Variants in SGSH observed in about 807,000 individuals in gnomAD.
SGSH encodes the protein N-sulfoglucosamine sulfohydrolase.
A neutral mutation model predicts 51.0 loss-of-function variants in SGSH; 48 were observed. The observed-to-expected ratio is 0.94, with a 90% CI of 0.75 to 1.20. The LOEUF (loss-of-function observed/expected upper bound fraction) is 1.20, where lower values mean the gene tolerates loss of function less well. SGSH is among the 50% of genes most tolerant of loss of function. SGSH has a pLI of 0.00. For synonymous variants in SGSH, 321 were observed against 313.4 expected (o/e 1.02, Z -0.26); for missense variants, 662 against 717.8 (o/e 0.92, Z 0.89).
chr17:80,204,052 C>T, downstream of SGSH: 4 of 797,044 alleles, frequency 5.0e-6, no homozygotes, highest in Non-Finnish European at 7.9e-6. Flanking sequence ...GTCTGCAGCC[C>T]CTGCCCAGCC....
In SGSH at chr17:80,214,413, T is replaced by C. The variant is rs1598748957; in HGVS notation, c.507-85A>G. On this transcript the variant is annotated intron_variant, in intron 4 of 7. Coordinates refer to ENST00000326317, the MANE Select transcript of SGSH (RefSeq NM_000199.5). ...CCCCTCGGCTCTGCCTCCTCCTCTG[T>C]ATCTGGAAGTCAACCTGTGACCCTC... is the stretch of plus-strand genomic sequence containing the variant. 3 of 1,474,484 alleles carry C rather than the reference T, an allele frequency of 2.0e-6. No homozygotes were observed. The East Asian group carries it at 7.2e-5, about 35-fold the overall frequency. The allele number at this position is 1,474,484 out of a possible 1,614,324, so 91.3% of individuals were successfully genotyped here.
chr17:80,210,813 T>G lies in SGSH; in HGVS notation c.1148A>C (p.His383Pro). The G allele has an allele frequency of 6.2e-7, 1 of 1,613,956 alleles. No individual in the cohort carries two copies. The highest frequency in any genetic ancestry group is 1.6e-4 in the Middle Eastern group (1 of 6,062). The change falls in exon 8 of 8, where the codon CAC (histidine) becomes CCC (proline). Residue 383 changes from histidine (H) to proline (P), a missense_variant. His to Pro is a moderately conservative substitution (Grantham distance 77, BLOSUM62 -2). Coordinates refer to ENST00000326317, the MANE Select transcript of SGSH (RefSeq NM_000199.5). ...GTTGAGGTTGTGCACGAGGCGGAAGTGCCGGTGCTGCACGGAGCGCATGGG... is the reference window on the plus strand; with the variant it reads ...GTTGAGGTTGTGCACGAGGCGGAAGGGCCGGTGCTGCACGGAGCGCATGGG... ...SYPMRSVQHR[H>P]FRLVHNLNFK...
the SGSH span, chr17:80,201,592 GGT>G: frequency 1.3e-6 from 1 of 758,706 alleles, no homozygotes; most frequent in Middle Eastern, 3.0e-4. This position sits in a 1 kb window ranked among gnomAD's most constrained non-coding sequence, Gnocchi z 5.0. Flanking sequence ...CAGAGGCTCT[GGT>G]GTGTGGCTTT....
Position 80,214,728 on chromosome 17 carries a change from C to A in SGSH, c.393G>T (p.Val131=). Residue 131 remains valine (V), a synonymous_variant, in exon 4 of 8, where the codon GTG becomes GTT. Coordinates refer to ENST00000326317, the MANE Select transcript of SGSH (RefSeq NM_000199.5). ...CCGTGTACGCAAAGTCAAACGGGTA[C>A]ACGGTCTCCGGCCCCACGTGCTTCT... ...IGKKHVGPET[V]YPFDFAYTEE... 6.2e-7 allele frequency: 1 copy of A among 1,613,048 alleles called. No individual in the cohort carries two copies.
downstream of SGSH, chr17:80,208,612 C>T (rs986858933): frequency 3.1e-5 from 13 of 424,284 alleles, no homozygotes; most frequent in African/African-American, 2.6e-4. Context: ...GAGAATGTTT[C>T]TGCAGTGGGA....
chr17:80,211,954 A>C (rs1326780669), intron 7 of SGSH, 117 bp downstream of exon 7: 8 of 838,284 alleles, frequency 9.5e-6, no homozygotes, highest in Non-Finnish European at 1.6e-5. Context: ...TCCCTTCCTC[A>C]CCCAGATGAT....
rs371061954 is a variant in SGSH at position 80,214,635 on chromosome 17, G to A, written c.486C>T (p.Phe162=). 2.2e-5 allele frequency: 36 copies of A among 1,613,214 alleles called. No individual in the cohort carries two copies. Among genetic ancestry groups the A allele is most frequent in the Non-Finnish European group, 2.7e-5 (32 of 1,179,952 alleles). The change falls in exon 4 of 8, where the codon TTC becomes TTT. Residue 162 remains phenylalanine (F), a synonymous_variant. Transcript: ENST00000326317. ...ITRIKLLVRK[F]LQTQDDRPFF... ...CATACCGGTCATCCTGAGTCTGCAG[G>A]AATTTCCGGACGAGCAGCTTAATTC...
chr17:80,212,746 A>C lies in SGSH; in HGVS notation c.746-472T>G. On this transcript the variant is annotated intron_variant, in intron 6 of 7. Transcript: ENST00000326317. This position sits in a 1 kb window ranked among gnomAD's most constrained non-coding sequence, Gnocchi z 5.9. ...CAATAGGGAAATGGCAAAGGTCCTG[A>C]CCTCCTGTCGTCCCTGACCCCAAAA... is the stretch of plus-strand genomic sequence containing the variant. The C allele has an allele frequency of 4.0e-6, 1 of 252,604 alleles. No homozygotes were observed. The highest frequency in any genetic ancestry group is 7.9e-6 in the Non-Finnish European group (1 of 126,216). 15.6% of individuals were successfully genotyped at this position (252,604 alleles called of 1,614,324 possible).
chr17:80,204,902 A>C, downstream of SGSH: 2 of 742,294 alleles, frequency 2.7e-6, no homozygotes, highest in South Asian at 3.9e-5. Context: ...GTGACCGCTG[A>C]GCCTGTGCCC....
intron 1 of SGSH, among the ~76,000 whole-genome samples, chr17:80,219,498 T>C (rs1157310584): frequency 6.6e-6 from 1 of 152,248 alleles, no homozygotes; most frequent in Non-Finnish European, 1.5e-5. Context: ...GCTGTGTTTC[T>C]GGGAGGCGAG....
the SGSH span, chr17:80,201,143 G>A: frequency 1.3e-5 from 2 of 153,630 alleles, no homozygotes; most frequent in African/African-American, 4.8e-5. The surrounding 1 kb of genome is among the most constrained non-coding windows in gnomAD (Gnocchi z 5.0). Context: ...ATATCCTAAG[G>A]GGGCCAATTA....
Position 80,214,664 on chromosome 17 carries a change from T to A in SGSH, c.457A>T (p.Thr153Ser), listed in dbSNP as rs1260750435. ...GSVLQVGRNI[T>S]RIKLLVRKFL... ...TTCCGGACGAGCAGCTTAATTCTAG[T>A]GATGTTCCGCCCCACCTGGAGGACG... is the stretch of plus-strand genomic sequence containing the variant. The change falls in exon 4 of 8, where the codon ACT becomes TCT. Residue 153 changes from threonine (T) to serine (S), a missense_variant. Transcript: ENST00000326317. The A allele has an allele frequency of 6.2e-7, 1 of 1,613,458 alleles. No homozygotes were observed. The highest frequency in any genetic ancestry group is 1.1e-5 in the South Asian group (1 of 91,080).
At chr17:80,214,059 T>G in intron 5 of SGSH, 113 bp downstream of exon 5, 1 of 1,428,698 alleles carries the variant, frequency 7.0e-7, no homozygotes, top group Non-Finnish European at 9.6e-7. Context: ...GAATCCGATT[T>G]GGTCAGAGCC....
Position 80,212,181 on chromosome 17 carries a change from C to T in SGSH, c.839G>A (p.Ser280Asn). 1 of 1,613,552 alleles carries T rather than the reference C, an allele frequency of 6.2e-7. No individual in the cohort carries two copies. The highest frequency in any genetic ancestry group is 8.5e-7 in the Non-Finnish European group (1 of 1,180,018). The change falls in exon 7 of 8, where the codon AGC (serine) becomes AAC (asparagine). Residue 280 changes from serine (S) to asparagine (N), a missense_variant. By Grantham distance (46) the Ser-to-Asn change is conservative (BLOSUM62 1). Coordinates refer to ENST00000326317, the MANE Select transcript of SGSH (RefSeq NM_000199.5). This position sits in a 1 kb window ranked among gnomAD's most constrained non-coding sequence, Gnocchi z 5.9. The stretch of plus-strand genomic sequence containing the variant: ...CGGCCAGTACAGGTTGGTCCTGCCG[C>T]TGGGGAAGGGGATCCCGTTGTCGGA... The part of the protein sequence containing the change: ...FTSDNGIPFP[S>N]GRTNLYWPGT...
At chr17:80,216,626 C>T (rs953931172) in intron 2 of SGSH, 65 of 252,560 alleles carry the variant, frequency 2.6e-4, no homozygotes, top group African/African-American at 1.4e-3. Flanking sequence ...GGTGTCCGCT[C>T]CCTGCACCAT....
At chr17:80,217,803 C>T (rs1173591410) in intron 1 of SGSH, among the ~76,000 whole-genome samples, 1 of 151,760 alleles carries the variant, frequency 6.6e-6, no homozygotes, top group Admixed American at 6.6e-5. Context: ...AGCAGGCAGG[C>T]ATGGTATCCA....
chr17:80,201,811 T>C (rs1045262635), downstream of SGSH: 18 of 1,613,862 alleles, frequency 1.1e-5, no homozygotes, highest in Non-Finnish European at 1.4e-5. The surrounding 1 kb of genome is among the most constrained non-coding windows in gnomAD (Gnocchi z 5.0). Context: ...GAGGAGGCCG[T>C]GGGGCTTCTC....
In SGSH at chr17:80,213,964, TG is replaced by T. The variant is rs2041780632; in HGVS notation, c.664-80del. The T allele has an allele frequency of 4.2e-6, 6 of 1,418,422 alleles. No individual in the cohort carries two copies. The highest frequency in any genetic ancestry group is 5.8e-6 in the Non-Finnish European group (6 of 1,031,512). The allele number at this position is 1,418,422 out of a possible 1,614,324, so 87.9% of individuals were successfully genotyped here. On this transcript the variant is annotated intron_variant, in intron 5 of 7. Transcript: ENST00000326317. This position sits in a 1 kb window ranked among gnomAD's most constrained non-coding sequence, Gnocchi z 4.6. ...GTCCAGCCTTCTCCCCGGGGCCTCCTGCAAATGGGTTAGCCCAGAACAGCCT... is the reference window on the plus strand; with the variant it reads ...GTCCAGCCTTCTCCCCGGGGCCTCCTCAAATGGGTTAGCCCAGAACAGCCT...
chr17:80,218,966 T>C (rs779906101), intron 1 of SGSH, among the ~76,000 whole-genome samples: 8 of 151,460 alleles, frequency 5.3e-5, no homozygotes, highest in Non-Finnish European at 1.0e-4. Context: ...TCGAGACCAG[T>C]CTGGGCAACA....
Sources: allele counts gnomAD v4.1 joint callset (sites outside exome capture counted in the v4.1 genomes callset), GRCh38; gene constraint gnomAD v4.1.1; non-coding constraint Gnocchi (gnomAD v3.1); transcripts MANE v1.5; gene names NCBI Gene and HGNC (gene_info 2026-07-23, HGNC 2026-07-21).